RXFP1: variants seen among roughly 807,000 people sequenced by gnomAD.
RXFP1 encodes relaxin family peptide receptor 1.
A neutral mutation model predicts 89.8 loss-of-function variants in RXFP1; 73 were observed. The ratio of observed to expected loss-of-function variants is 0.81; its 90% CI spans 0.67 to 0.99. RXFP1 has a LOEUF of 0.99. Ranked by LOEUF, RXFP1 falls within the 50% of genes least tolerant of loss-of-function variation. The probability of loss-of-function intolerance (pLI) is 0.00; values close to 1 mark genes in which losing one functional copy is unlikely to be tolerated. For missense variants in RXFP1, 793 were observed against 895.5 expected, an observed-to-expected ratio of 0.89 and a Z score of 1.46; for synonymous variants, 277 against 305.5, an observed-to-expected ratio of 0.91 and a Z score of 0.97.
At chr4:158,522,240 T>C (rs1741353375) in intron 1 of RXFP1, among the ~76,000 whole-genome samples, 1 of 152,204 alleles carries the variant, frequency 6.6e-6, no homozygotes, top group Admixed American at 6.6e-5. Flanking sequence ...GCGAGACTGA[T>C]GTGCCGTGTA....
intron 1 of RXFP1, among the ~76,000 whole-genome samples, chr4:158,562,518 C>T (rs1329027428): frequency 8.4e-5 from 1 of 11,856 alleles, no homozygotes; most frequent in Non-Finnish European, 6.4e-4. Flanking sequence ...AGCGAGACTC[C>T]GTCTCAAAAA....
chr4:158,564,007 CATT>C (rs1753049735), intron 1 of RXFP1, among the ~76,000 whole-genome samples: 1 of 149,886 alleles, frequency 6.7e-6, no homozygotes, highest in East Asian at 2.0e-4. Context: ...ACTGTTATAA[CATT>C]ATAAAAGCAC....
intron 1 of RXFP1, among the ~76,000 whole-genome samples, chr4:158,549,824 G>A (rs2149881994): frequency 6.6e-6 from 1 of 152,344 alleles, no homozygotes; most frequent in Non-Finnish European, 1.5e-5. Context: ...TTGTCTCAGA[G>A]GAGTACCCGG....
At position 158,648,431 on chromosome 4, in the gene RXFP1, TA is replaced by T. The variant is rs574030139; in HGVS notation, c.1757-67del. The T allele has an allele frequency of 1.3e-4, 125 of 934,178 alleles. 1 individual carries two copies. The South Asian group carries it at 2.5e-3, about 19-fold the overall frequency. 57.9% of individuals were successfully genotyped at this position (934,178 alleles called of 1,614,324 possible). ...TGTATCTTTAATAATAAAAATGTTT[TA>T]TTTATGTTTGTTCATTTTGAAAGAA... On this transcript the variant is annotated intron_variant, in intron 16 of 17. Transcript: ENST00000307765.
chr4:158,589,178 C>T (rs116197779), intron 2 of RXFP1, among the ~76,000 whole-genome samples: 5,563 of 152,156 alleles, frequency 0.037, 315 homozygotes, highest in African/African-American at 0.12. Context: ...CACTCACTAG[C>T]AGGAGAACAG....
intron 4 of RXFP1, among the ~76,000 whole-genome samples, chr4:158,603,174 C>T (rs1038318921): frequency 1.3e-5 from 2 of 152,120 alleles, no homozygotes; most frequent in African/African-American, 4.8e-5. Flanking sequence ...AACTCCTGGG[C>T]TCAAGTGATC....
rs1772789993 is a variant in RXFP1 at position 158,651,793 on chromosome 4, C to T, written c.2012C>T (p.Pro671Leu). 3 of 1,612,728 alleles carry T rather than the reference C, an allele frequency of 1.9e-6. No homozygotes were observed. Among genetic ancestry groups the T allele is most frequent in the Non-Finnish European group, 1.7e-6 (2 of 1,179,318 alleles). ...ITSWVVIFIL[P>L]INSALNPILY... is the part of the protein sequence containing the mutation. ...TCTTGGGTAGTGATTTTTATTCTGC[C>T]CATTAACAGTGCTTTGAACCCAATT... is the stretch of plus-strand genomic sequence containing the variant. Residue 671 changes from proline (P) to leucine (L), a missense_variant, in exon 18 of 18, where the codon CCC becomes CTC. Transcript: ENST00000307765.
chr4:158,626,966 G>GA (rs539243210), intron 10 of RXFP1, 75 bp downstream of exon 10: 126 of 707,818 alleles, frequency 1.8e-4, no homozygotes, highest in Admixed American at 8.7e-4. Context: ...CCATTTTATG[G>GA]AAAAAAAATC....
At chr4:158,616,007 C>T (rs949841536) in intron 8 of RXFP1, among the ~76,000 whole-genome samples, 3 of 152,172 alleles carry the variant, frequency 2.0e-5, no homozygotes, top group African/African-American at 7.2e-5. Context: ...GACACAGACA[C>T]ACTAAGTGGG....
upstream of RXFP1, chr4:158,521,834 G>A (rs571112451): frequency 5.5e-5 from 31 of 567,384 alleles, no homozygotes; most frequent in African/African-American, 6.0e-4. Flanking sequence ...GAAAGGAAAT[G>A]GGAGTGGAAG....
chr4:158,548,735 T>G (rs1749232130), intron 1 of RXFP1, among the ~76,000 whole-genome samples: 1 of 152,208 alleles, frequency 6.6e-6, no homozygotes, highest in Non-Finnish European at 1.5e-5. Context: ...GATATGAAAT[T>G]CTGGGTTGAA....
At chr4:158,563,860 TATA>T (rs1364233980) in intron 1 of RXFP1, among the ~76,000 whole-genome samples, 2 of 148,430 alleles carry the variant, frequency 1.3e-5, no homozygotes, top group Non-Finnish European at 3.0e-5. Flanking sequence ...CATTATATTA[TATA>T]ATGTTATATA....
chr4:158,653,180 C>T lies in RXFP1; in HGVS notation c.*1125C>T, dbSNP rs1378201641. ...ACTAGTTGTTCTTCTCTAGTCTCTACGTTATTAGAATTTTTTGCTTTCATA... is the reference window on the plus strand; with the variant it reads ...ACTAGTTGTTCTTCTCTAGTCTCTATGTTATTAGAATTTTTTGCTTTCATA... On this transcript the variant is annotated 3_prime_UTR_variant, in exon 18 of 18. Transcript: ENST00000307765. 6.6e-6 allele frequency: 1 copy of T among 152,140 alleles called. No individual in the cohort carries two copies. Among genetic ancestry groups the T allele is most frequent in the Non-Finnish European group, 1.5e-5 (1 of 68,028 alleles). 9.4% of individuals were successfully genotyped at this position (152,140 alleles called of 1,614,324 possible).
intron 1 of RXFP1, among the ~76,000 whole-genome samples, chr4:158,527,564 A>AAAAAATAT (rs5741905): frequency 7.1e-5 from 7 of 98,324 alleles, no homozygotes; most frequent in East Asian, 6.3e-4. Flanking sequence ...AAAAAAAAAA[A>AAAAAATAT]ATATATATAT....
At chr4:158,548,039 T>G (rs1363431467) in intron 1 of RXFP1, among the ~76,000 whole-genome samples, 2 of 152,222 alleles carry the variant, frequency 1.3e-5, no homozygotes, top group African/African-American at 4.8e-5. Context: ...TGTCTAATGT[T>G]GACAGTGGGG....
intron 3 of RXFP1, among the ~76,000 whole-genome samples, chr4:158,595,210 G>T (rs796878978): frequency 6.6e-6 from 1 of 152,034 alleles, no homozygotes; most frequent in South Asian, 2.1e-4. Context: ...TATTCTCTCC[G>T]TTTTGTACAA....
intron 3 of RXFP1, among the ~76,000 whole-genome samples, chr4:158,593,744 ATGG>A (rs1760001510): frequency 6.6e-6 from 1 of 152,254 alleles, no homozygotes; most frequent in African/African-American, 2.4e-5. Context: ...GAAGTAATAA[ATGG>A]TGTCAGATAT....
intron 2 of RXFP1, among the ~76,000 whole-genome samples, chr4:158,577,419 A>G (rs548978717): frequency 6.6e-6 from 1 of 152,200 alleles, no homozygotes; most frequent in Non-Finnish European, 1.5e-5. Context: ...TCTTTTCAGA[A>G]TATGTAAACC....
intron 2 of RXFP1, among the ~76,000 whole-genome samples, chr4:158,581,088 C>T (rs574242913): frequency 6.6e-6 from 1 of 152,290 alleles, no homozygotes; most frequent in East Asian, 1.9e-4. Context: ...CCATACCCAG[C>T]CTGTGCATGA....
Sources: allele counts gnomAD v4.1 joint callset (sites outside exome capture counted in the v4.1 genomes callset), GRCh38; gene constraint gnomAD v4.1.1; transcripts MANE v1.5; gene names NCBI Gene and HGNC (gene_info 2026-07-23, HGNC 2026-07-21).